Variants in ARL6IP6 observed in about 807,000 individuals in gnomAD.
ARL6IP6 encodes the protein ADP-ribosylation factor-like protein 6-interacting protein 6.
ARL6IP6 carries 22 observed loss-of-function variants against 21.5 expected under a neutral mutation model. The observed-to-expected ratio is 1.02, with a 90% CI of 0.73 to 1.46. The LOEUF is 1.46. Ranked by LOEUF, ARL6IP6 falls within the 40% of genes most tolerant of loss-of-function variation. The pLI is 0.00. For synonymous variants in ARL6IP6, 164 were observed against 125.3 expected (o/e 1.31, Z -2.06); for missense variants, 388 against 299.8 (o/e 1.29, Z -2.17).
Position 152,719,080 on chromosome 2 carries a change from G to T in ARL6IP6, c.400+56G>T. The T allele has an allele frequency of 4.1e-6, 6 of 1,457,268 alleles. No homozygotes were observed. The South Asian group carries it at 8.9e-5, about 22-fold the overall frequency. The allele number at this position is 1,457,268 out of a possible 1,614,324, so 90.3% of individuals were successfully genotyped here. On this transcript the variant is annotated intron_variant, in intron 1 of 3. Coordinates refer to ENST00000326446, the MANE Select transcript of ARL6IP6 (RefSeq NM_152522.7). Reference sequence around the variant, plus strand: ...CAGAGTAAAGTTGAGCCAGGGTGTGGCTCTCGTCTCCACCCATCTCCCTTT... The same window carrying T: ...CAGAGTAAAGTTGAGCCAGGGTGTGTCTCTCGTCTCCACCCATCTCCCTTT...
At chr2:152,750,523 CGGAA>C in intron 3 of ARL6IP6, among the ~76,000 whole-genome samples, 1 of 149,262 alleles carries the variant, frequency 6.7e-6, no homozygotes, top group Admixed American at 6.7e-5. Context: ...GGAGGGAGGG[CGGAA>C]GGAAGGAAAT....
At position 152,761,352 on chromosome 2, in the gene ARL6IP6, C is replaced by T. The variant is rs1298442876; in HGVS notation, c.*1512C>T. On this transcript the variant is annotated 3_prime_UTR_variant, in exon 4 of 4. Transcript: ENST00000326446. Reference sequence around the variant, plus strand: ...CTATTTTCACTCCCTGCCTTCCTTCCTGCACGCTTAAACTCTTCACCCTTT... The same window carrying T: ...CTATTTTCACTCCCTGCCTTCCTTCTTGCACGCTTAAACTCTTCACCCTTT... 1.3e-5 allele frequency: 2 copies of T among 152,068 alleles called. No homozygotes were observed. The highest frequency in any genetic ancestry group is 2.1e-4 in the South Asian group (1 of 4,820). The allele number at this position is 152,068 out of a possible 1,614,324, so 9.4% of individuals were successfully genotyped here.
chr2:152,758,373 A>C (rs1158413390), intron 3 of ARL6IP6, among the ~76,000 whole-genome samples: 1 of 152,128 alleles, frequency 6.6e-6, no homozygotes, highest in Non-Finnish European at 1.5e-5. Context: ...GGAAGACCGA[A>C]CTGTATTAAT....
chr2:152,717,841 C>T, upstream of ARL6IP6: 5 of 1,106,864 alleles, frequency 4.5e-6, no homozygotes, highest in Non-Finnish European at 5.5e-6. Flanking sequence ...CTGAGGCCGC[C>T]AGGGGTAGGG....
At chr2:152,743,459 C>G (rs928323191) in intron 3 of ARL6IP6, among the ~76,000 whole-genome samples, 4 of 152,100 alleles carry the variant, frequency 2.6e-5, no homozygotes, top group African/African-American at 4.8e-5. Flanking sequence ...GTAAAACAAC[C>G]TGGGGATTCC....
At chr2:152,742,111 G>A (rs183401487) in intron 3 of ARL6IP6, among the ~76,000 whole-genome samples, 53 of 152,206 alleles carry the variant, frequency 3.5e-4, no homozygotes, top group African/African-American at 1.3e-3. Context: ...CATTGTCTGG[G>A]TTTTGTGAGT....
upstream of ARL6IP6, chr2:152,718,444 C>G: frequency 2.5e-6 from 2 of 808,140 alleles, no homozygotes; most frequent in Admixed American, 8.1e-5. Context: ...AAGCGCATTC[C>G]GCCTCTCCTT....
intron 2 of ARL6IP6, among the ~76,000 whole-genome samples, chr2:152,731,744 C>G (rs1700322043): frequency 6.6e-6 from 1 of 152,146 alleles, no homozygotes; most frequent in African/African-American, 2.4e-5. Flanking sequence ...TCTTTCCTCC[C>G]TCCTCAGAGA....
At chr2:152,746,830 T>TC (rs1006050358) in intron 3 of ARL6IP6, among the ~76,000 whole-genome samples, 3 of 131,864 alleles carry the variant, frequency 2.3e-5, no homozygotes, top group Non-Finnish European at 4.8e-5. Context: ...TCTTTTTTTT[T>TC]TTTTTTTTTT....
intron 3 of ARL6IP6, among the ~76,000 whole-genome samples, chr2:152,750,737 A>G (rs1363960808): frequency 2.0e-5 from 3 of 152,232 alleles, no homozygotes; most frequent in Admixed American, 6.5e-5. Context: ...CTTGTTAATA[A>G]TATTGTGTGC....
intron 3 of ARL6IP6, among the ~76,000 whole-genome samples, chr2:152,739,463 C>T (rs994768172): frequency 1.3e-5 from 2 of 152,200 alleles, no homozygotes; most frequent in Non-Finnish European, 1.5e-5. Context: ...ACCTTTGCTG[C>T]TCCAGTTCCC....
intron 2 of ARL6IP6, among the ~76,000 whole-genome samples, chr2:152,733,206 T>C (rs1451414545): frequency 6.6e-6 from 1 of 152,192 alleles, no homozygotes; most frequent in Non-Finnish European, 1.5e-5. Flanking sequence ...TTAGTAACAT[T>C]TTTTATTAAT....
rs540830433 is a variant in ARL6IP6 at position 152,757,215 on chromosome 2, T to G, written c.588-2532T>G. Among the ~76,000 whole-genome samples the G allele has an allele frequency of 4.6e-5, 7 of 152,312 alleles. No homozygotes were observed. In the South Asian group the frequency reaches 1.2e-3, roughly 27 times the overall value. On this transcript the variant is annotated intron_variant, in intron 3 of 3. Transcript: ENST00000326446. ...TGGTGACAGCCCTCAGTATTGCAGT[T>G]ACCTCAAGATCTGCAGGAGGTAAGT...
intron 3 of ARL6IP6, among the ~76,000 whole-genome samples, chr2:152,742,471 G>A (rs1253420911): frequency 6.6e-6 from 1 of 151,504 alleles, no homozygotes; most frequent in Non-Finnish European, 1.5e-5. Context: ...GGGAGGCTGA[G>A]GCAGAAGGAT....
chr2:152,759,675 G>T lies in ARL6IP6; in HGVS notation c.588-72G>T, dbSNP rs1303546769. On this transcript the variant is annotated intron_variant, in intron 3 of 3. Transcript: ENST00000326446. ...CTCCAAGGTCATAAGTATTTTCGAT[G>T]AAAACTTTTGGTGTCTTTGTTATAC... The T allele has an allele frequency of 1.4e-5, 17 of 1,235,156 alleles. No homozygotes were observed. The Admixed American group carries it at 3.0e-4, about 22-fold the overall frequency. 76.5% of individuals were successfully genotyped at this position (1,235,156 alleles called of 1,614,324 possible).
intron 2 of ARL6IP6, among the ~76,000 whole-genome samples, chr2:152,726,611 GGTTA>G (rs1374297396): frequency 3.9e-5 from 6 of 152,186 alleles, no homozygotes; most frequent in Non-Finnish European, 7.3e-5. Flanking sequence ...AAAAATTGAT[GGTTA>G]GTTTCATGCA....
At chr2:152,718,408 A>C (rs1050046369), upstream of ARL6IP6, 3 of 551,046 alleles carry the variant, frequency 5.4e-6, no homozygotes, top group Non-Finnish European at 8.3e-6. Flanking sequence ...CTTTCCGGCT[A>C]CAGCCCTGGG....
intron 3 of ARL6IP6, among the ~76,000 whole-genome samples, chr2:152,749,067 T>C (rs1052096605): frequency 3.9e-5 from 6 of 152,228 alleles, no homozygotes; most frequent in Non-Finnish European, 7.3e-5. Flanking sequence ...CCAAAGTCAT[T>C]GAATTCATTT....
intron 2 of ARL6IP6, among the ~76,000 whole-genome samples, chr2:152,726,184 A>G (rs1191472298): frequency 6.6e-6 from 1 of 152,078 alleles, no homozygotes; most frequent in Non-Finnish European, 1.5e-5. Flanking sequence ...CTAATGATTT[A>G]CCAATGTTGG....
Sources: allele counts gnomAD v4.1 joint callset (sites outside exome capture counted in the v4.1 genomes callset), GRCh38; gene constraint gnomAD v4.1.1; transcripts MANE v1.5; gene names NCBI Gene and HGNC (gene_info 2026-07-23, HGNC 2026-07-21).